The following TMEM178B variants were observed in gnomAD, a reference collection of about 807,000 sequenced individuals.
TMEM178B encodes the protein transmembrane protein 178B.
A neutral mutation model predicts 31.0 loss-of-function variants in TMEM178B; 5 were observed. The ratio of observed to expected loss-of-function variants is 0.16; its 90% CI spans 0.08 to 0.34. The LOEUF (loss-of-function observed/expected upper bound fraction) is 0.34. Among genes scored for constraint, TMEM178B ranks in the 10% least tolerant of loss-of-function variants. TMEM178B has a pLI of 1.00. For missense variants in TMEM178B, 275 were observed against 400.3 expected (o/e 0.69, Z 2.67); for synonymous variants, 164 against 164.0 (o/e 1.00, Z 0.00).
intron 2 of TMEM178B, among the ~76,000 whole-genome samples, chr7:141,404,639 C>G (rs2116624838): frequency 6.6e-6 from 1 of 152,290 alleles, no homozygotes; most frequent in South Asian, 2.1e-4. Context: ...ATCTCGAGAT[C>G]CTCCATTCAA....
rs116899782 is a variant in TMEM178B at position 141,410,324 on chromosome 7, C to T, written c.497-27284C>T. On this transcript the variant is annotated intron_variant, in intron 2 of 3. Coordinates refer to ENST00000565468, the MANE Select transcript of TMEM178B (RefSeq NM_001195278.2). ...CACCAAACAAAACTCCCTGAACAGA[C>T]GCCTTCACAAGTCAGGGCTCCGAGC... 8.9e-3 allele frequency among the ~76,000 whole-genome samples: 1,355 copies of T among 152,306 alleles called. 8 individuals carry two copies. Among genetic ancestry groups the T allele is most frequent in the Middle Eastern group, 0.02 (6 of 294 alleles).
chr7:141,110,649 C>A (rs555400351), intron 1 of TMEM178B, among the ~76,000 whole-genome samples: 1 of 152,102 alleles, frequency 6.6e-6, no homozygotes, highest in Non-Finnish European at 1.5e-5. Context: ...CTTGACTGAG[C>A]GAGTAACTAA....
intron 3 of TMEM178B, among the ~76,000 whole-genome samples, chr7:141,458,689 C>G (rs983976483): frequency 5.9e-5 from 9 of 152,102 alleles, no homozygotes; most frequent in Non-Finnish European, 4.4e-5. Flanking sequence ...TAATATTATA[C>G]CTTACATGTA....
At position 141,471,836 on chromosome 7, in the gene TMEM178B, G is replaced by A. The variant is rs779485689; in HGVS notation, c.*1050G>A. 15 of 152,164 alleles carry A rather than the reference G, an allele frequency of 9.9e-5. No individual in the cohort carries two copies. The highest frequency in any genetic ancestry group is 1.9e-4 in the Non-Finnish European group (13 of 68,386). The allele number at this position is 152,164 out of a possible 1,614,324, so 9.4% of individuals were successfully genotyped here. ...TGTGTGTGGTGGATGTTTCTTGAGC[G>A]TGGGGTTTTATTGTTTGTGTTGTGT... On this transcript the variant is annotated 3_prime_UTR_variant, in exon 4 of 4. Coordinates refer to ENST00000565468, the MANE Select transcript of TMEM178B (RefSeq NM_001195278.2). This position sits in a 1 kb window ranked among gnomAD's most constrained non-coding sequence, Gnocchi z 4.1.
the TMEM178B span, among the ~76,000 whole-genome samples, chr7:141,502,498 G>A: frequency 2.6e-5 from 4 of 152,224 alleles, no homozygotes; most frequent in Non-Finnish European, 4.4e-5. Context: ...CTGGCTGGGC[G>A]TGGTGGCTCA....
chr7:141,323,697 C>T (rs537581491), intron 2 of TMEM178B, among the ~76,000 whole-genome samples: 73 of 152,238 alleles, frequency 4.8e-4, no homozygotes, highest in African/African-American at 1.7e-3. Flanking sequence ...GGCACTATAG[C>T]AGTGGTTCTT....
Position 141,115,000 on chromosome 7 carries a change from T to C in TMEM178B, c.382+40308T>C, listed in dbSNP as rs1253640308. On this transcript the variant is annotated intron_variant, in intron 1 of 3. Coordinates refer to ENST00000565468, the MANE Select transcript of TMEM178B (RefSeq NM_001195278.2). ...GTGTACATGGAGCTTGTGGACTAGA[T>C]TGATCCCAAGAAGGTCAGTTAGGAT... 2.0e-5 allele frequency among the ~76,000 whole-genome samples: 3 copies of C among 152,020 alleles called. 1 individual carries two copies. The highest frequency in any genetic ancestry group is 3.9e-4 in the East Asian group (2 of 5,190).
At chr7:141,401,769 T>C (rs1276523870) in intron 2 of TMEM178B, among the ~76,000 whole-genome samples, 1 of 152,170 alleles carries the variant, frequency 6.6e-6, no homozygotes, top group Admixed American at 6.5e-5. Flanking sequence ...GCATCTGCCT[T>C]GCTGTTGGAT....
At chr7:141,216,358 G>C (rs943949053) in intron 2 of TMEM178B, among the ~76,000 whole-genome samples, 3 of 151,900 alleles carry the variant, frequency 2.0e-5, no homozygotes, top group Non-Finnish European at 2.9e-5. Flanking sequence ...GAGGCCACTA[G>C]GCTTACAAAT....
intron 2 of TMEM178B, among the ~76,000 whole-genome samples, chr7:141,217,462 G>A (rs549511601): frequency 2.6e-5 from 4 of 152,330 alleles, no homozygotes; most frequent in Non-Finnish European, 5.9e-5. Context: ...AACTGGGATG[G>A]CATGGAGCTG....
chr7:141,086,245 T>A (rs765848163), intron 1 of TMEM178B, among the ~76,000 whole-genome samples: 1 of 152,200 alleles, frequency 6.6e-6, no homozygotes, highest in Non-Finnish European at 1.5e-5. Flanking sequence ...TTGGCCAGGC[T>A]GGTCTCGAAC....
intron 1 of TMEM178B, among the ~76,000 whole-genome samples, chr7:141,132,814 C>T (rs1460982892): frequency 1.3e-5 from 2 of 152,328 alleles, no homozygotes; most frequent in Non-Finnish European, 2.9e-5. Flanking sequence ...TGCCCACATA[C>T]GCCACCTTGG....
At chr7:141,308,609 G>T (rs554403479) in intron 2 of TMEM178B, among the ~76,000 whole-genome samples, 2 of 152,306 alleles carry the variant, frequency 1.3e-5, no homozygotes, top group East Asian at 1.9e-4. Context: ...ACAGATACAT[G>T]TGGGGCTGCT....
At chr7:141,251,582 G>A (rs1345983441) in intron 2 of TMEM178B, among the ~76,000 whole-genome samples, 2 of 152,040 alleles carry the variant, frequency 1.3e-5, no homozygotes, top group Non-Finnish European at 2.9e-5. Flanking sequence ...TACTGCATCA[G>A]TAAAAATTAT....
intron 2 of TMEM178B, among the ~76,000 whole-genome samples, chr7:141,268,318 T>C (rs1798126357): frequency 6.6e-6 from 1 of 152,210 alleles, no homozygotes; most frequent in South Asian, 2.1e-4. Flanking sequence ...AAATCATTGA[T>C]GTTTTATGAA....
At chr7:141,498,767 C>G in the TMEM178B span, among the ~76,000 whole-genome samples, 1 of 152,250 alleles carries the variant, frequency 6.6e-6, no homozygotes, top group African/African-American at 2.4e-5. Context: ...GCTCTCCTAC[C>G]CTTATTAAGG....
At chr7:141,159,843 G>A (rs964138552) in intron 1 of TMEM178B, among the ~76,000 whole-genome samples, 2 of 151,950 alleles carry the variant, frequency 1.3e-5, no homozygotes, top group African/African-American at 4.8e-5. Flanking sequence ...TTTAATGGGT[G>A]TGAAATTTCA....
chr7:141,224,357 G>A (rs1797305553), intron 2 of TMEM178B, among the ~76,000 whole-genome samples: 2 of 152,192 alleles, frequency 1.3e-5, no homozygotes, highest in South Asian at 2.1e-4. Flanking sequence ...AACAAGCAGT[G>A]CTTGTATTTC....
At chr7:141,204,645 A>T (rs550977695) in intron 1 of TMEM178B, among the ~76,000 whole-genome samples, 40 of 152,348 alleles carry the variant, frequency 2.6e-4, no homozygotes, top group African/African-American at 9.4e-4. Flanking sequence ...CTTTGCTGGT[A>T]GCTCTCAGAT....
Sources: gnomAD v4.1 joint callset for allele counts (sites outside exome capture counted in the v4.1 genomes callset) on GRCh38, gnomAD v4.1.1 for gene constraint, Gnocchi (gnomAD v3.1) non-coding constraint, MANE v1.5 for transcripts, NCBI Gene and HGNC (gene_info 2026-07-23, HGNC 2026-07-21) for gene names.